Variants in RBFOX1 observed in about 807,000 individuals in gnomAD.
The protein encoded by RBFOX1 is RNA binding fox-1 homolog 1.
RBFOX1 carries 8 observed loss-of-function variants against 57.7 expected under a neutral mutation model. The ratio of observed to expected loss-of-function variants is 0.14; its 90% confidence interval spans 0.08 to 0.25. The LOEUF is 0.25. RBFOX1 is among the 10% of genes least tolerant of loss of function. The pLI, the probability that RBFOX1 is intolerant of heterozygous loss-of-function variation, is 1.00. For missense variants in RBFOX1, 611 were observed against 548.5 expected, an observed-to-expected ratio of 1.11 and a Z score of -1.14; for synonymous variants, 326 against 222.4, an observed-to-expected ratio of 1.47 and a Z score of -4.15.
chr16:5,909,068 G>A (rs935504213), intron 4 of RBFOX1, among the ~76,000 whole-genome samples: 7 of 148,368 alleles, frequency 4.7e-5, no homozygotes, highest in East Asian at 4.0e-4. Context: ...TTATTATATC[G>A]GCTCCAACAG....
At chr16:7,294,339 C>T (rs2095850276) in intron 4 of RBFOX1, among the ~76,000 whole-genome samples, 1 of 152,048 alleles carries the variant, frequency 6.6e-6, no homozygotes, top group Admixed American at 6.6e-5. Flanking sequence ...TCCTGGAGTC[C>T]ATTGTTTCAG....
intron 2 of RBFOX1, among the ~76,000 whole-genome samples, chr16:6,361,159 T>A (rs1247149171): frequency 6.6e-6 from 1 of 152,002 alleles, no homozygotes; most frequent in Non-Finnish European, 1.5e-5. Flanking sequence ...TGTTATCAGG[T>A]TATGTGTCTC....
intron 2 of RBFOX1, among the ~76,000 whole-genome samples, chr16:5,558,888 T>G (rs2045781019): frequency 6.6e-6 from 1 of 152,162 alleles, no homozygotes; most frequent in African/African-American, 2.4e-5. Flanking sequence ...GGAGAACTTG[T>G]TAAAATGTGC....
chr16:6,421,956 C>CA (rs71406375), intron 2 of RBFOX1, among the ~76,000 whole-genome samples: 56,843 of 137,004 alleles, frequency 0.41, 12,892 homozygotes, highest in Non-Finnish European at 0.49. Flanking sequence ...AGTCTCACTC[C>CA]GTTGCCCACC....
intron 2 of RBFOX1, among the ~76,000 whole-genome samples, chr16:6,320,533 A>C (rs2081642664): frequency 6.6e-6 from 1 of 152,154 alleles, no homozygotes; most frequent in Non-Finnish European, 1.5e-5. Flanking sequence ...CGAAGATTTA[A>C]GGTATATATG....
chr16:7,566,522 G>T (rs887061552), intron 5 of RBFOX1, among the ~76,000 whole-genome samples: 8 of 152,222 alleles, frequency 5.3e-5, no homozygotes, highest in Admixed American at 5.2e-4. Context: ...CCATCTCCTG[G>T]CTGTGTGACT....
At chr16:6,024,999 C>T (rs542676477) in intron 1 of RBFOX1, among the ~76,000 whole-genome samples, 2 of 152,320 alleles carry the variant, frequency 1.3e-5, no homozygotes, top group East Asian at 3.9e-4. Context: ...GTGACAAAAT[C>T]ATACAGTTGA....
rs569989227 is a variant in RBFOX1, at chr16:7,332,935, A to G, written c.28-185212A>G. The G allele has an allele frequency of 2.3e-4, 364 of 1,609,748 alleles. 2 individuals carry two copies. Among genetic ancestry groups the G allele is most frequent in the South Asian group, 2.1e-3 (188 of 90,776 alleles). ...TTGTAGTTCGGAAGAAGTTGGGTCTATAGATTTCCCCCTAACTCTCCATTG... is the reference window on the plus strand; with the variant it reads ...TTGTAGTTCGGAAGAAGTTGGGTCTGTAGATTTCCCCCTAACTCTCCATTG... On this transcript the variant is annotated intron_variant, in intron 4 of 15. Coordinates refer to ENST00000550418, the MANE Select transcript of RBFOX1 (RefSeq NM_018723.4).
intron 3 of RBFOX1, among the ~76,000 whole-genome samples, chr16:5,686,116 C>A (rs1049037001): frequency 6.6e-6 from 1 of 152,152 alleles, no homozygotes; most frequent in African/African-American, 2.4e-5. Flanking sequence ...AAGATGGAGA[C>A]TGGTATCTAC....
chr16:7,447,865 T>A (rs1412026259), intron 4 of RBFOX1, among the ~76,000 whole-genome samples: 1 of 152,252 alleles, frequency 6.6e-6, no homozygotes, highest in African/African-American at 2.4e-5. Context: ...CTGTGTGTTC[T>A]ATGAATTAGC....
chr16:5,469,876 C>G (rs8062030), intron 2 of RBFOX1, among the ~76,000 whole-genome samples: 5,718 of 152,236 alleles, frequency 0.038, 159 homozygotes, highest in Middle Eastern at 0.12. Context: ...AAGGCAAGAC[C>G]ACATGATTAT....
At chr16:6,902,584 T>C (rs995876329) in intron 3 of RBFOX1, among the ~76,000 whole-genome samples, 1 of 152,090 alleles carries the variant, frequency 6.6e-6, no homozygotes, top group African/African-American at 2.4e-5. Flanking sequence ...TGGCCAAGTA[T>C]GGTGGCACAC....
chr16:7,306,510 A>G (rs1481627657), intron 4 of RBFOX1, among the ~76,000 whole-genome samples: 4 of 152,124 alleles, frequency 2.6e-5, no homozygotes, highest in Non-Finnish European at 4.4e-5. Context: ...CCCTCCCCTG[A>G]AAGGACTTGC....
chr16:7,029,083 C>T (rs35544422), intron 3 of RBFOX1, among the ~76,000 whole-genome samples: 1,650 of 5,762 alleles, frequency 0.29, 120 homozygotes, highest in South Asian at 0.31. Flanking sequence ...TATATATATA[C>T]ACACACACAC....
At chr16:7,579,490 A>G (rs1051984667) in intron 5 of RBFOX1, among the ~76,000 whole-genome samples, 3 of 151,820 alleles carry the variant, frequency 2.0e-5, no homozygotes, top group East Asian at 1.9e-4. Flanking sequence ...CCAACACTCT[A>G]TCTATGGATT....
chr16:5,987,121 C>G lies in RBFOX1; in HGVS notation c.351+119786C>G, dbSNP rs929506072. ...GAATTTATAGTTCATTCCCTGATGG[C>G]TAATGATGTCGAATACGTTCTTATG... On this transcript the variant is annotated intron_variant, in intron 4 of 19. Coordinates refer to the RBFOX1 transcript ENST00000641259. 2.0e-5 allele frequency among the ~76,000 whole-genome samples: 3 copies of G among 152,192 alleles called. No homozygotes were observed. The South Asian group carries it at 6.2e-4, about 31-fold the overall frequency.
intron 2 of RBFOX1, among the ~76,000 whole-genome samples, chr16:5,569,825 T>C (rs761966104): frequency 3.9e-5 from 6 of 152,204 alleles, no homozygotes; most frequent in African/African-American, 1.2e-4. Flanking sequence ...TCTTCCTTTC[T>C]TGACATGGTC....
intron 4 of RBFOX1, among the ~76,000 whole-genome samples, chr16:7,232,285 C>A (rs1603413731): frequency 6.6e-6 from 1 of 152,064 alleles, no homozygotes; most frequent in African/African-American, 2.4e-5. Context: ...TAACAACCAC[C>A]ACAACAAAAA....
At chr16:7,580,374 A>G (rs2093661786) in intron 6 of RBFOX1, among the ~76,000 whole-genome samples, 1 of 152,186 alleles carries the variant, frequency 6.6e-6, no homozygotes, top group Non-Finnish European at 1.5e-5. Context: ...CTGTGCATTT[A>G]GATTTCAGAT....
Sources: allele counts gnomAD v4.1 joint callset (sites outside exome capture counted in the v4.1 genomes callset), GRCh38; gene constraint gnomAD v4.1.1; transcripts MANE v1.5; gene names NCBI Gene and HGNC (gene_info 2026-07-23, HGNC 2026-07-21).